Variants in ROBO1 observed in about 807,000 individuals in gnomAD.
The protein encoded by ROBO1 is roundabout guidance receptor 1, also known as roundabout homolog 1.
Under a neutral mutation model 195.9 loss-of-function variants are expected in ROBO1, and 149 were observed. The observed-to-expected ratio is 0.76, with a 90% CI of 0.67 to 0.87. The LOEUF is 0.87. ROBO1 is among the 40% of genes least tolerant of loss of function. The pLI is 0.00. For synonymous variants in ROBO1, 816 were observed against 733.2 expected (o/e 1.11, Z -1.82); for missense variants, 1,933 against 2,068.3 (o/e 0.93, Z 1.27).
At chr3:79,041,659 C>T (rs1041280381) in intron 3 of ROBO1, among the ~76,000 whole-genome samples, 1 of 152,136 alleles carries the variant, frequency 6.6e-6, no homozygotes, top group African/African-American at 2.4e-5. Context: ...GACAGATCTG[C>T]TTTTTCCAAA....
intron 2 of ROBO1, among the ~76,000 whole-genome samples, chr3:79,536,627 TAA>T (rs903650560): frequency 1.3e-5 from 2 of 152,110 alleles, no homozygotes; most frequent in Non-Finnish European, 2.9e-5. Context: ...TCAAGTACAG[TAA>T]AAGTTTATAT....
At chr3:79,406,728 T>C (rs2037565227) in intron 2 of ROBO1, among the ~76,000 whole-genome samples, 1 of 152,044 alleles carries the variant, frequency 6.6e-6, no homozygotes. Flanking sequence ...ACACTTCACT[T>C]TTGGAGCATT....
At chr3:79,549,437 C>T (rs1026270136) in intron 2 of ROBO1, among the ~76,000 whole-genome samples, 15 of 152,076 alleles carry the variant, frequency 9.9e-5, no homozygotes, top group African/African-American at 3.4e-4. Context: ...ATACAGTCGG[C>T]CCTCCGTATC....
chr3:78,627,672 C>T lies in ROBO1; in HGVS notation c.3627-103G>A, dbSNP rs912954797. The T allele has an allele frequency of 3.3e-5, 41 of 1,238,774 alleles. No individual in the cohort carries two copies. The Admixed American group carries it at 5.5e-4, about 17-fold the overall frequency. 76.7% of individuals were successfully genotyped at this position (1,238,774 alleles called of 1,614,324 possible). ...CTTTAAATTGTTTTTCAAATCTGAA[C>T]GTTCTCAGTCACATTAAGGAGATAT... On this transcript the variant is annotated intron_variant, in intron 25 of 30. Coordinates refer to ENST00000464233, the MANE Select transcript of ROBO1 (RefSeq NM_002941.4).
chr3:79,683,220 G>A (rs896302027), intron 1 of ROBO1, among the ~76,000 whole-genome samples: 3 of 151,936 alleles, frequency 2.0e-5, no homozygotes, highest in African/African-American at 7.2e-5. Context: ...TTATTCATGT[G>A]AGAATTAAGA....
At chr3:79,379,511 G>A (rs2036499407) in intron 2 of ROBO1, among the ~76,000 whole-genome samples, 1 of 152,110 alleles carries the variant, frequency 6.6e-6, no homozygotes, top group African/African-American at 2.4e-5. Flanking sequence ...CCTGATGACT[G>A]GTGCCAAACC....
At chr3:79,412,017 A>G (rs1318321779) in intron 2 of ROBO1, among the ~76,000 whole-genome samples, 1 of 152,086 alleles carries the variant, frequency 6.6e-6, no homozygotes, top group African/African-American at 2.4e-5. Flanking sequence ...AGCATCAGTA[A>G]CAGCACAGCC....
intron 1 of ROBO1, among the ~76,000 whole-genome samples, chr3:79,746,301 T>C (rs1338238785): frequency 6.6e-6 from 1 of 152,084 alleles, no homozygotes. Flanking sequence ...AAAATCTACA[T>C]TAATTTTTAG....
intron 2 of ROBO1, among the ~76,000 whole-genome samples, chr3:79,161,392 A>G (rs1403312233): frequency 6.6e-6 from 1 of 152,124 alleles, no homozygotes; most frequent in Non-Finnish European, 1.5e-5. Flanking sequence ...ACAAAGTTTT[A>G]TTAAACATAT....
In ROBO1 at chr3:78,714,454, A is replaced by G; in HGVS notation, c.988T>C (p.Cys330Arg). ...VTAGDMGSYT[C>R]VAENMVGKAE... ...TTGCCCACCATATTTTCTGCAACAC[A>G]AGTGTATGAACCCATGTCACCAGCT... Residue 330 changes from cysteine to arginine, a missense_variant, in exon 8 of 31, where the codon TGT (cysteine) becomes CGT (arginine). This residue lies in a region of ROBO1 where 1,737 missense variants were observed against 1,882.5 expected (regional missense o/e 0.92). Transcript: ENST00000464233. 6.2e-7 allele frequency: 1 copy of G among 1,613,418 alleles called. No homozygotes were observed. Among genetic ancestry groups the G allele is most frequent in the Non-Finnish European group, 8.5e-7 (1 of 1,179,580 alleles).
chr3:78,743,868 G>A (rs570033131), intron 5 of ROBO1, among the ~76,000 whole-genome samples: 1 of 152,234 alleles, frequency 6.6e-6, no homozygotes, highest in South Asian at 2.1e-4. Context: ...CCATGAAGCT[G>A]AAAAAGTCAA....
At chr3:79,168,153 AC>A (rs1559708093) in intron 2 of ROBO1, among the ~76,000 whole-genome samples, 1 of 152,112 alleles carries the variant, frequency 6.6e-6, no homozygotes, top group Non-Finnish European at 1.5e-5. Flanking sequence ...TGCTGGCACA[AC>A]CCTATCGGCC....
intron 2 of ROBO1, among the ~76,000 whole-genome samples, chr3:79,522,023 A>T (rs1310587939): frequency 6.6e-6 from 1 of 152,208 alleles, no homozygotes; most frequent in East Asian, 1.9e-4. Flanking sequence ...AATTATTATG[A>T]CTGTCAATAT....
chr3:78,779,943 A>G (rs545313501), intron 4 of ROBO1, among the ~76,000 whole-genome samples: 13 of 152,350 alleles, frequency 8.5e-5, no homozygotes, highest in African/African-American at 2.6e-4. Context: ...GAATGAGTTC[A>G]TGTCCTTTGC....
chr3:79,285,529 T>C (rs1481073319), intron 2 of ROBO1, among the ~76,000 whole-genome samples: 1 of 152,212 alleles, frequency 6.6e-6, no homozygotes, highest in Non-Finnish European at 1.5e-5. Context: ...ATGCCTTGCC[T>C]GGTATCCAGA....
intron 2 of ROBO1, among the ~76,000 whole-genome samples, chr3:79,415,606 T>C (rs2037970152): frequency 1.3e-5 from 2 of 152,242 alleles, no homozygotes; most frequent in Middle Eastern, 3.4e-3. Context: ...CTGGAAAGTA[T>C]GTTAACAATT....
At chr3:79,214,965 C>T (rs894546525) in intron 2 of ROBO1, among the ~76,000 whole-genome samples, 3 of 151,854 alleles carry the variant, frequency 2.0e-5, no homozygotes, top group Non-Finnish European at 2.9e-5. Flanking sequence ...GATATTTCAA[C>T]TCATCATGTT....
chr3:79,622,420 C>T (rs1173075347), intron 1 of ROBO1, among the ~76,000 whole-genome samples: 2 of 152,186 alleles, frequency 1.3e-5, no homozygotes, highest in Non-Finnish European at 2.9e-5. Flanking sequence ...TCACAGCTGC[C>T]TAATACACTG....
intron 1 of ROBO1, among the ~76,000 whole-genome samples, chr3:79,721,929 T>C (rs1702719615): frequency 6.6e-6 from 1 of 152,208 alleles, no homozygotes. Flanking sequence ...TAAGATCACA[T>C]TGAAAACAGA....
Sources: allele counts gnomAD v4.1 joint callset (sites outside exome capture counted in the v4.1 genomes callset), GRCh38; gene constraint gnomAD v4.1.1; regional missense constraint gnomAD v4.1.1; transcripts MANE v1.5; gene names NCBI Gene and HGNC (gene_info 2026-07-23, HGNC 2026-07-21).